Variants in HS3ST4 observed in about 807,000 individuals in gnomAD.
HS3ST4 encodes the protein heparan sulfate glucosamine 3-O-sulfotransferase 4.
HS3ST4 carries 17 observed loss-of-function variants against 29.2 expected under a neutral mutation model. The ratio of observed to expected loss-of-function variants is 0.58; its 90% confidence interval spans 0.40 to 0.87. HS3ST4 has a LOEUF of 0.87. Among genes scored for constraint, HS3ST4 ranks in the 40% least tolerant of loss-of-function variants. The pLI, the probability that HS3ST4 is intolerant of heterozygous loss-of-function variation, is 0.00. For missense variants in HS3ST4, 627 were observed against 634.5 expected (o/e 0.99, Z 0.13); for synonymous variants, 314 against 285.7 (o/e 1.10, Z -1.00).
At chr16:26,037,547 C>T (rs1251176900) in intron 1 of HS3ST4, among the ~76,000 whole-genome samples, 1 of 152,180 alleles carries the variant, frequency 6.6e-6, no homozygotes, top group Non-Finnish European at 1.5e-5. Context: ...AGCTAGGAGC[C>T]AGCTCTTCCC....
At chr16:25,799,855 T>A (rs753674385) in intron 1 of HS3ST4, among the ~76,000 whole-genome samples, 5 of 152,124 alleles carry the variant, frequency 3.3e-5, no homozygotes, top group African/African-American at 1.2e-4. Flanking sequence ...TATCTATCCA[T>A]TTTTTTAGAA....
At chr16:26,018,825 C>T (rs1464930199) in intron 1 of HS3ST4, among the ~76,000 whole-genome samples, 1 of 147,506 alleles carries the variant, frequency 6.8e-6, no homozygotes, top group Non-Finnish European at 1.5e-5. Flanking sequence ...AACCAAGCCT[C>T]CTCATGGAAA....
chr16:26,090,333 G>A (rs1342588206), intron 1 of HS3ST4, among the ~76,000 whole-genome samples: 3 of 151,876 alleles, frequency 2.0e-5, no homozygotes, highest in Non-Finnish European at 4.4e-5. Flanking sequence ...TGATCCTTTC[G>A]TCTGTCTGCC....
chr16:25,709,693 T>A (rs4238913), intron 1 of HS3ST4, among the ~76,000 whole-genome samples: 1 of 151,884 alleles, frequency 6.6e-6, no homozygotes, highest in African/African-American at 2.4e-5. Context: ...AGGGGAAGAA[T>A]GGAAGGAAGA....
chr16:25,897,167 A>C (rs1968074687), intron 1 of HS3ST4, among the ~76,000 whole-genome samples: 1 of 152,178 alleles, frequency 6.6e-6, no homozygotes, highest in African/African-American at 2.4e-5. Context: ...TGAAAAAAAT[A>C]CTGGGGGCCA....
intron 1 of HS3ST4, among the ~76,000 whole-genome samples, chr16:25,858,620 G>C (rs1188125883): frequency 6.6e-6 from 1 of 151,882 alleles, no homozygotes; most frequent in Non-Finnish European, 1.5e-5. Context: ...TTTCCAAATT[G>C]CTTTCACTGA....
rs114565790 is a variant in HS3ST4 at position 25,960,418 on chromosome 16, A to G, written c.735-175194A>G. Among the ~76,000 whole-genome samples, 597 of 152,316 alleles carry G rather than the reference A, an allele frequency of 3.9e-3. 3 individuals are homozygous for G. The highest frequency in any genetic ancestry group is 0.014 in the African/African-American group (571 of 41,562). ...GAGAATAGAAAATATAAACACTGGG[A>G]TTCAACCCAACTCCTAAAGTGGTTC... On this transcript the variant is annotated intron_variant, in intron 1 of 1. Transcript: ENST00000331351.
At chr16:25,965,204 T>G (rs1409372180) in intron 1 of HS3ST4, among the ~76,000 whole-genome samples, 1 of 151,950 alleles carries the variant, frequency 6.6e-6, no homozygotes, top group Non-Finnish European at 1.5e-5. Flanking sequence ...AGGGAAGGTG[T>G]AGGCAGAGTG....
intron 1 of HS3ST4, among the ~76,000 whole-genome samples, chr16:25,952,607 C>T (rs898142621): frequency 2.0e-5 from 3 of 152,174 alleles, no homozygotes; most frequent in African/African-American, 7.2e-5. Flanking sequence ...CACAGGCACT[C>T]AGCACAGGGC....
intron 1 of HS3ST4, among the ~76,000 whole-genome samples, chr16:25,930,316 C>T (rs1968450580): frequency 6.6e-6 from 1 of 152,168 alleles, no homozygotes; most frequent in East Asian, 1.9e-4. Flanking sequence ...TCTCTCAGAC[C>T]TCTCTAGGCC....
At chr16:25,949,378 C>T (rs1238801819) in intron 1 of HS3ST4, among the ~76,000 whole-genome samples, 1 of 152,188 alleles carries the variant, frequency 6.6e-6, no homozygotes, top group Non-Finnish European at 1.5e-5. Flanking sequence ...CACCACTGCC[C>T]TTCCCAGTCC....
chr16:26,034,753 A>G (rs1280364955), intron 1 of HS3ST4, among the ~76,000 whole-genome samples: 2 of 151,798 alleles, frequency 1.3e-5, no homozygotes, highest in Admixed American at 1.3e-4. Flanking sequence ...TAAAAAAAAA[A>G]CTGACGTGAG....
rs929586200 is a variant in HS3ST4 at position 25,750,330 on chromosome 16, A to T, written c.734+57179A>T. ...AGTTAGAAGCCGCATGATCTTTATA[A>T]CCTAACCTTGGACATCACGTACCAT... On this transcript the variant is annotated intron_variant, in intron 1 of 1. Coordinates refer to ENST00000331351, the MANE Select transcript of HS3ST4 (RefSeq NM_006040.3). Among the ~76,000 whole-genome samples, 12 of 152,144 alleles carry T rather than the reference A, an allele frequency of 7.9e-5. No homozygotes were observed. In the South Asian group the frequency reaches 1.0e-3, roughly 13 times the overall value.
intron 1 of HS3ST4, among the ~76,000 whole-genome samples, chr16:25,739,380 A>C (rs1183476128): frequency 2.0e-5 from 3 of 152,048 alleles, no homozygotes; most frequent in Non-Finnish European, 4.4e-5. Flanking sequence ...TAAACGAACA[A>C]AAAAAACTTG....
At chr16:26,071,030 A>G (rs1168639226) in intron 1 of HS3ST4, among the ~76,000 whole-genome samples, 3 of 152,202 alleles carry the variant, frequency 2.0e-5, no homozygotes, top group African/African-American at 7.2e-5. Context: ...TCCTATTTAA[A>G]TGCCTCTCAG....
chr16:25,980,419 A>T (rs1968992719), intron 1 of HS3ST4, among the ~76,000 whole-genome samples: 1 of 152,100 alleles, frequency 6.6e-6, no homozygotes, highest in Admixed American at 6.5e-5. Context: ...AGGCAGGGTC[A>T]AGTTTTCCTC....
intron 1 of HS3ST4, among the ~76,000 whole-genome samples, chr16:25,947,371 T>C (rs780101785): frequency 1.3e-5 from 2 of 152,182 alleles, no homozygotes; most frequent in Non-Finnish European, 2.9e-5. Flanking sequence ...TAATGCTGTG[T>C]AACAACCCCC....
intron 1 of HS3ST4, among the ~76,000 whole-genome samples, chr16:25,871,330 T>C (rs146930874): frequency 2.2e-4 from 34 of 152,250 alleles, no homozygotes; most frequent in African/African-American, 7.7e-4. Flanking sequence ...TGCCCATCAT[T>C]ATTCTTCTAG....
chr16:25,965,456 G>A (rs995293827), intron 1 of HS3ST4, among the ~76,000 whole-genome samples: 2 of 151,914 alleles, frequency 1.3e-5, no homozygotes, highest in African/African-American at 2.4e-5. Context: ...GGACTACAAC[G>A]GGAGGAGTTT....
Sources: allele counts gnomAD v4.1 joint callset (sites outside exome capture counted in the v4.1 genomes callset), GRCh38; gene constraint gnomAD v4.1.1; transcripts MANE v1.5; gene names NCBI Gene and HGNC (gene_info 2026-07-23, HGNC 2026-07-21).